LCE3A: variants seen among roughly 807,000 people sequenced by gnomAD.
The protein encoded by LCE3A is late cornified envelope 3A.
For missense variants in LCE3A, 130 were observed against 113.9 expected, an observed-to-expected ratio of 1.14 and a Z score of -0.64; for synonymous variants, 46 against 42.7, an observed-to-expected ratio of 1.08 and a Z score of -0.30.
chr1:152,622,972 C>A lies in LCE3A; in HGVS notation c.132G>T (p.Glu44Asp). Residue 44 changes from glutamate to aspartate, a missense_variant, in exon 1 of 1, where the codon GAG becomes GAT. Glu to Asp is a conservative substitution (Grantham distance 45). Coordinates refer to ENST00000335674, the MANE Select transcript of LCE3A (RefSeq NM_178431.1). ...TGTGGTGACTCAGGCAGCAGCTGCGCTCGGAGCTGGGCCCACAGCCCCCAG... is the reference window on the plus strand; with the variant it reads ...TGTGGTGACTCAGGCAGCAGCTGCGATCGGAGCTGGGCCCACAGCCCCCAG... ...PSSGGCGPSSERSCCLSHHRC... is the reference protein window; with the variant it reads ...PSSGGCGPSSDRSCCLSHHRC... The A allele has an allele frequency of 6.2e-7, 1 of 1,614,138 alleles. No homozygotes were observed. Among genetic ancestry groups the A allele is most frequent in the Non-Finnish European group, 8.5e-7 (1 of 1,180,032 alleles).
Position 152,623,097 on chromosome 1 carries a change from A to T in LCE3A, c.7T>A (p.Cys3Ser). ...TGGCACTGCTGCTGGTTCTGCTGGC[A>T]GGACATCTAGGCAGGAGGTCAGGGA... MSCQQNQQQCQPP... is the reference protein window; with the variant it reads MSSQQNQQQCQPP... Residue 3 changes from cysteine to serine, a missense_variant, in exon 1 of 1, where the codon TGC becomes AGC. Transcript: ENST00000335674. 1.2e-6 allele frequency: 2 copies of T among 1,614,224 alleles called. No individual in the cohort carries two copies. Among genetic ancestry groups the T allele is most frequent in the Non-Finnish European group, 1.7e-6 (2 of 1,180,038 alleles).
In LCE3A at chr1:152,622,869, A is replaced by G; in HGVS notation, c.235T>C (p.Ser79Pro). 6.2e-7 allele frequency: 1 copy of G among 1,614,060 alleles called. No individual in the cohort carries two copies. Among genetic ancestry groups the G allele is most frequent in the Non-Finnish European group, 8.5e-7 (1 of 1,180,030 alleles). The change falls in exon 1 of 1, where the codon TCC (serine) becomes CCC (proline). Residue 79 changes from serine (S) to proline (P), a missense_variant. By Grantham distance (74) the Ser-to-Pro change is moderately conservative (BLOSUM62 -1). Transcript: ENST00000335674. ...CCCGCAGAACTGTGGCCACAGCTGG[A>G]GCTCCCGCCTTGCTGACCACTTCCC... ...DRGSGQQGGS[S>P]SCGHSSAGCC
At position 152,623,005 on chromosome 1, in the gene LCE3A, G is replaced by C; in HGVS notation, c.99C>G (p.Ala33=). 2 of 1,614,190 alleles carry C rather than the reference G, an allele frequency of 1.2e-6. No homozygotes were observed. Among genetic ancestry groups the C allele is most frequent in the East Asian group, 2.2e-5 (1 of 44,858 alleles). ...TGGGCCCACAGCCCCCAGAGCTTGG[G>C]GCACAGCTGGAGGAAGCTGGAGGCA... ...QCLPPASSSC[A]PSSGGCGPSS... Residue 33 remains alanine (A), a synonymous_variant, in exon 1 of 1, where the codon GCC becomes GCG. Transcript: ENST00000335674.
chr1:152,622,893 C>T lies in LCE3A; in HGVS notation c.211G>A (p.Gly71Arg), dbSNP rs763302367. The part of the protein sequence containing the change: ...RCQSSNSCDR[G>R]SGQQGGSSSC... ...GAGCTCCCGCCTTGCTGACCACTTC[C>T]CCTGTCACAGGAGTTGGAGCTCTGG... The change falls in exon 1 of 1, where the codon GGA becomes AGA. Residue 71 changes from glycine (G) to arginine (R), a missense_variant. Transcript: ENST00000335674. 11 of 1,614,106 alleles carry T rather than the reference C, an allele frequency of 6.8e-6. No individual in the cohort carries two copies. Among genetic ancestry groups the T allele is most frequent in the Non-Finnish European group, 8.5e-7 (1 of 1,180,034 alleles).
At position 152,623,040 on chromosome 1, in the gene LCE3A, C is replaced by G; in HGVS notation, c.64G>C (p.Ala22Pro). ...GAGGAAGCTGGAGGCAGACACTGTGCTGGGCTCTTTGCAGGGCACTTGGGC... is the reference window on the plus strand; with the variant it reads ...GAGGAAGCTGGAGGCAGACACTGTGGTGGGCTCTTTGCAGGGCACTTGGGC... Reference protein sequence around the residue: ...PPPKCPAKSPAQCLPPASSSC... With the variant: ...PPPKCPAKSPPQCLPPASSSC... The change falls in exon 1 of 1, where the codon GCA becomes CCA. Residue 22 changes from alanine (A) to proline (P), a missense_variant. Physicochemically the swap from Ala to Pro is conservative, Grantham distance 27 (BLOSUM62 -1). Coordinates refer to ENST00000335674, the MANE Select transcript of LCE3A (RefSeq NM_178431.1). 6.2e-7 allele frequency: 1 copy of G among 1,614,190 alleles called. No individual in the cohort carries two copies. Among genetic ancestry groups the G allele is most frequent in the Non-Finnish European group, 8.5e-7 (1 of 1,180,026 alleles).
Position 152,623,080 on chromosome 1 carries a change from C to T in LCE3A, c.24G>A (p.Gln8=). Residue 8 remains glutamine, a synonymous_variant, in exon 1 of 1, where the codon CAG becomes CAA. Transcript: ENST00000335674. MSCQQNQ[Q]QCQPPPKCPA... ...GGCACTTGGGCGGAGGCTGGCACTGCTGCTGGTTCTGCTGGCAGGACATCT... is the reference window on the plus strand; with the variant it reads ...GGCACTTGGGCGGAGGCTGGCACTGTTGCTGGTTCTGCTGGCAGGACATCT... 6.2e-7 allele frequency: 1 copy of T among 1,614,224 alleles called. No homozygotes were observed.
chr1:152,622,938 T>A lies in LCE3A; in HGVS notation c.166A>T (p.Arg56Trp). Residue 56 changes from arginine to tryptophan, a missense_variant, in exon 1 of 1, where the codon AGG becomes TGG. By Grantham distance (101) the Arg-to-Trp change is moderately radical. Transcript: ENST00000335674. Reference sequence around the variant, plus strand: ...CTCTGGCAACGGCAACGGTGAGACCTGCGGCATCTGTGGTGACTCAGGCAG... The same window carrying A: ...CTCTGGCAACGGCAACGGTGAGACCAGCGGCATCTGTGGTGACTCAGGCAG... ...SCCLSHHRCR[R>W]SHRCRCQSSN... 1.2e-6 allele frequency: 2 copies of A among 1,614,174 alleles called. No individual in the cohort carries two copies. Among genetic ancestry groups the A allele is most frequent in the Non-Finnish European group, 1.7e-6 (2 of 1,180,026 alleles).
chr1:152,622,934 G>C lies in LCE3A; in HGVS notation c.170C>G (p.Ser57Cys). The C allele has an allele frequency of 1.9e-6, 3 of 1,614,192 alleles. No homozygotes were observed. Among genetic ancestry groups the C allele is most frequent in the Admixed American group, 1.7e-5 (1 of 60,026 alleles). Residue 57 changes from serine to cysteine, a missense_variant, in exon 1 of 1, where the codon TCT becomes TGT. Ser to Cys is a moderately radical substitution (Grantham distance 112, BLOSUM62 -1). Transcript: ENST00000335674. The part of the protein sequence containing the change: ...CCLSHHRCRR[S>C]HRCRCQSSNS... ...GGAGCTCTGGCAACGGCAACGGTGAGACCTGCGGCATCTGTGGTGACTCAG... is the reference window on the plus strand; with the variant it reads ...GGAGCTCTGGCAACGGCAACGGTGACACCTGCGGCATCTGTGGTGACTCAG...
chr1:152,622,968 T>C lies in LCE3A; in HGVS notation c.136A>G (p.Ser46Gly). Residue 46 changes from serine to glycine, a missense_variant, in exon 1 of 1, where the codon AGC (serine) becomes GGC (glycine). Transcript: ENST00000335674. ...SGGCGPSSERSCCLSHHRCRR... is the reference protein window; with the variant it reads ...SGGCGPSSERGCCLSHHRCRR... ...CATCTGTGGTGACTCAGGCAGCAGCTGCGCTCGGAGCTGGGCCCACAGCCC... is the reference window on the plus strand; with the variant it reads ...CATCTGTGGTGACTCAGGCAGCAGCCGCGCTCGGAGCTGGGCCCACAGCCC... 6.2e-7 allele frequency: 1 copy of C among 1,614,128 alleles called. No homozygotes were observed. Among genetic ancestry groups the C allele is most frequent in the South Asian group, 1.1e-5 (1 of 91,086 alleles).
chr1:152,623,082 G>C lies in LCE3A; in HGVS notation c.22C>G (p.Gln8Glu). MSCQQNQ[Q>E]QCQPPPKCPA... ...CACTTGGGCGGAGGCTGGCACTGCT[G>C]CTGGTTCTGCTGGCAGGACATCTAG... Residue 8 changes from glutamine to glutamate, a missense_variant, in exon 1 of 1, where the codon CAG (glutamine) becomes GAG (glutamate). Gln to Glu is a conservative substitution (Grantham distance 29). Coordinates refer to ENST00000335674, the MANE Select transcript of LCE3A (RefSeq NM_178431.1). 6.2e-7 allele frequency: 1 copy of C among 1,614,234 alleles called. No individual in the cohort carries two copies.
In LCE3A at chr1:152,623,007, C is replaced by G; in HGVS notation, c.97G>C (p.Ala33Pro). Residue 33 changes from alanine (A) to proline (P), a missense_variant, in exon 1 of 1, where the codon GCC (alanine) becomes CCC (proline). Transcript: ENST00000335674. ...GGCCCACAGCCCCCAGAGCTTGGGG[C>G]ACAGCTGGAGGAAGCTGGAGGCAGA... ...QCLPPASSSCAPSSGGCGPSS... is the reference protein window; with the variant it reads ...QCLPPASSSCPPSSGGCGPSS... 2 of 1,614,188 alleles carry G rather than the reference C, an allele frequency of 1.2e-6. No individual in the cohort carries two copies. The highest frequency in any genetic ancestry group is 1.7e-6 in the Non-Finnish European group (2 of 1,180,048).
In LCE3A at chr1:152,622,879, T is replaced by A. The variant is rs781583723; in HGVS notation, c.225A>T (p.Gln75His). Residue 75 changes from glutamine (Q) to histidine (H), a missense_variant, in exon 1 of 1, where the codon CAA (glutamine) becomes CAT (histidine). Transcript: ENST00000335674. ...TGTGGCCACAGCTGGAGCTCCCGCC[T>A]TGCTGACCACTTCCCCTGTCACAGG... is the stretch of plus-strand genomic sequence containing the variant. ...SNSCDRGSGQ[Q>H]GGSSSCGHSS... The A allele has an allele frequency of 6.2e-7, 1 of 1,614,196 alleles. No homozygotes were observed. Among genetic ancestry groups the A allele is most frequent in the Admixed American group, 1.7e-5 (1 of 60,022 alleles).
rs549785748 is a variant in LCE3A, at chr1:152,623,038, T to A, written c.66A>T (p.Ala22=). Residue 22 remains alanine (A), a synonymous_variant, in exon 1 of 1, where the codon GCA becomes GCT. Coordinates refer to ENST00000335674, the MANE Select transcript of LCE3A (RefSeq NM_178431.1). ...PPPKCPAKSP[A]QCLPPASSSC... Reference sequence around the variant, plus strand: ...TGGAGGAAGCTGGAGGCAGACACTGTGCTGGGCTCTTTGCAGGGCACTTGG... The same window carrying A: ...TGGAGGAAGCTGGAGGCAGACACTGAGCTGGGCTCTTTGCAGGGCACTTGG... The A allele has an allele frequency of 8.1e-6, 13 of 1,614,198 alleles. No individual in the cohort carries two copies. The South Asian group carries it at 1.3e-4, about 16-fold the overall frequency.
At position 152,623,098 on chromosome 1, in the gene LCE3A, G is replaced by A; in HGVS notation, c.6C>T (p.Ser2=). Residue 2 remains serine, a synonymous_variant, in exon 1 of 1, where the codon TCC becomes TCT. Coordinates refer to ENST00000335674, the MANE Select transcript of LCE3A (RefSeq NM_178431.1). ...GGCACTGCTGCTGGTTCTGCTGGCA[G>A]GACATCTAGGCAGGAGGTCAGGGAG... The part of the protein sequence containing the change: M[S]CQQNQQQCQP... 6.2e-7 allele frequency: 1 copy of A among 1,614,206 alleles called. No individual in the cohort carries two copies. The highest frequency in any genetic ancestry group is 8.5e-7 in the Non-Finnish European group (1 of 1,180,036).
Position 152,623,049 on chromosome 1 carries a change from T to C in LCE3A, c.55A>G (p.Lys19Glu). 6.2e-7 allele frequency: 1 copy of C among 1,614,182 alleles called. No individual in the cohort carries two copies. Among genetic ancestry groups the C allele is most frequent in the Non-Finnish European group, 8.5e-7 (1 of 1,180,038 alleles). ...QCQPPPKCPA[K>E]SPAQCLPPAS... is the part of the protein sequence containing the mutation. ...GGAGGCAGACACTGTGCTGGGCTCT[T>C]TGCAGGGCACTTGGGCGGAGGCTGG... The change falls in exon 1 of 1, where the codon AAG becomes GAG. Residue 19 changes from lysine (K) to glutamate (E), a missense_variant. By Grantham distance (56) the Lys-to-Glu change is moderately conservative. Coordinates refer to ENST00000335674, the MANE Select transcript of LCE3A (RefSeq NM_178431.1).
Position 152,622,878 on chromosome 1 carries a change from C to G in LCE3A, c.226G>C (p.Gly76Arg). The G allele has an allele frequency of 6.2e-7, 1 of 1,614,218 alleles. No homozygotes were observed. Among genetic ancestry groups the G allele is most frequent in the Non-Finnish European group, 8.5e-7 (1 of 1,180,040 alleles). ...CTGTGGCCACAGCTGGAGCTCCCGCCTTGCTGACCACTTCCCCTGTCACAG... is the reference window on the plus strand; with the variant it reads ...CTGTGGCCACAGCTGGAGCTCCCGCGTTGCTGACCACTTCCCCTGTCACAG... ...NSCDRGSGQQ[G>R]GSSSCGHSSA... The change falls in exon 1 of 1, where the codon GGC becomes CGC. Residue 76 changes from glycine (G) to arginine (R), a missense_variant. Coordinates refer to ENST00000335674, the MANE Select transcript of LCE3A (RefSeq NM_178431.1).
chr1:152,623,036 T>C lies in LCE3A; in HGVS notation c.68A>G (p.Gln23Arg). The change falls in exon 1 of 1, where the codon CAG becomes CGG. Residue 23 changes from glutamine (Q) to arginine (R), a missense_variant. Transcript: ENST00000335674. ...PPKCPAKSPA[Q>R]CLPPASSSCA... The stretch of plus-strand genomic sequence containing the variant: ...GCTGGAGGAAGCTGGAGGCAGACAC[T>C]GTGCTGGGCTCTTTGCAGGGCACTT... 1 of 1,614,188 alleles carries C rather than the reference T, an allele frequency of 6.2e-7. No homozygotes were observed. Among genetic ancestry groups the C allele is most frequent in the Non-Finnish European group, 8.5e-7 (1 of 1,180,028 alleles).
rs1647287661 is a variant in LCE3A at position 152,623,054 on chromosome 1, G to C, written c.50C>G (p.Pro17Arg). 1 of 1,614,096 alleles carries C rather than the reference G, an allele frequency of 6.2e-7. No individual in the cohort carries two copies. The highest frequency in any genetic ancestry group is 1.3e-5 in the African/African-American group (1 of 74,938). The change falls in exon 1 of 1, where the codon CCT becomes CGT. Residue 17 changes from proline (P) to arginine (R), a missense_variant. Transcript: ENST00000335674. ...QQQCQPPPKC[P>R]AKSPAQCLPP... ...CAGACACTGTGCTGGGCTCTTTGCA[G>C]GGCACTTGGGCGGAGGCTGGCACTG...
chr1:152,622,991 C>T lies in LCE3A; in HGVS notation c.113G>A (p.Gly38Asp), dbSNP rs764924965. The part of the protein sequence containing the change: ...ASSSCAPSSG[G>D]CGPSSERSCC... Reference sequence around the variant, plus strand: ...GCTGCGCTCGGAGCTGGGCCCACAGCCCCCAGAGCTTGGGGCACAGCTGGA... The same window carrying T: ...GCTGCGCTCGGAGCTGGGCCCACAGTCCCCAGAGCTTGGGGCACAGCTGGA... The change falls in exon 1 of 1, where the codon GGC becomes GAC. Residue 38 changes from glycine (G) to aspartate (D), a missense_variant. By Grantham distance (94) the Gly-to-Asp change is moderately conservative. Coordinates refer to ENST00000335674, the MANE Select transcript of LCE3A (RefSeq NM_178431.1). The T allele has an allele frequency of 9.9e-6, 16 of 1,614,046 alleles. No homozygotes were observed. Among genetic ancestry groups the T allele is most frequent in the Non-Finnish European group, 6.8e-6 (8 of 1,180,034 alleles).
Sources: gnomAD v4.1 joint callset for allele counts on GRCh38, gnomAD v4.1.1 for gene constraint, MANE v1.5 for transcripts, NCBI Gene and HGNC (gene_info 2026-07-23, HGNC 2026-07-21) for gene names.